Variants in UGP2 observed in about 807,000 individuals in gnomAD.
The protein encoded by UGP2 is UDP-glucose pyrophosphorylase 2, also known as UTP--glucose-1-phosphate uridylyltransferase.
In UGP2, 40 loss-of-function variants were observed where a neutral mutation model predicts 49.0. The observed-to-expected ratio is 0.82, with a 90% CI of 0.63 to 1.06. UGP2 has a LOEUF of 1.06. Ranked by LOEUF, UGP2 falls within the 50% of genes least tolerant of loss-of-function variation. The pLI is 0.00. For missense variants in UGP2, 460 were observed against 603.5 expected, an observed-to-expected ratio of 0.76 and a Z score of 2.49; for synonymous variants, 225 against 213.0, an observed-to-expected ratio of 1.06 and a Z score of -0.49.
chr2:63,854,268 A>C (rs2104269401), intron 1 of UGP2, among the ~76,000 whole-genome samples: 1 of 152,342 alleles, frequency 6.6e-6, no homozygotes, highest in South Asian at 2.1e-4. Flanking sequence ...TAAGGTAATG[A>C]AATGTTTGAC....
intron 3 of UGP2, among the ~76,000 whole-genome samples, chr2:63,876,035 C>G (rs1243068598): frequency 1.3e-5 from 2 of 151,996 alleles, no homozygotes; most frequent in Middle Eastern, 3.2e-3. Context: ...CCTGGGGGAG[C>G]TAAGTAGGGA....
chr2:63,849,344 C>CT (rs1483597556), intron 1 of UGP2, among the ~76,000 whole-genome samples: 1 of 152,194 alleles, frequency 6.6e-6, no homozygotes, highest in Non-Finnish European at 1.5e-5. Context: ...ATTTGCTGCT[C>CT]TGGCAGAAGC....
rs149158709 is a variant in UGP2 at position 63,891,210 on chromosome 2, C to T, written c.1510C>T (p.Arg504Cys). 44 of 1,613,076 alleles carry T rather than the reference C, an allele frequency of 2.7e-5. No homozygotes were observed. Among genetic ancestry groups the T allele is most frequent in the Admixed American group, 3.3e-5 (2 of 59,902 alleles). ...LENKIVSGNL[R>C]ILDH is the part of the protein sequence containing the mutation. ...GAACAAGATTGTGTCTGGAAACCTT[C>T]GCATCTTGGACCACTGAAATGAAAA... Residue 504 changes from arginine to cysteine, a missense_variant, in exon 10 of 10, where the codon CGC becomes TGC. Physicochemically the swap from Arg to Cys is radical, Grantham distance 180. Transcript: ENST00000337130.
chr2:63,887,423 G>A lies in UGP2; in HGVS notation c.1093G>A (p.Val365Ile). 6.2e-7 allele frequency: 1 copy of A among 1,613,998 alleles called. No individual in the cohort carries two copies. The highest frequency in any genetic ancestry group is 1.1e-5 in the South Asian group (1 of 91,080). ...ACAGACTTTGGATGGAGGCCTGAAT[G>A]TCATTCAATTAGAAACTGCAGTAGG... ...NAKTLDGGLN[V>I]IQLETAVGAA... is the part of the protein sequence containing the mutation. The change falls in exon 8 of 10, where the codon GTC becomes ATC. Residue 365 changes from valine (V) to isoleucine (I), a missense_variant. Coordinates refer to ENST00000337130, the MANE Select transcript of UGP2 (RefSeq NM_006759.4).
intron 3 of UGP2, among the ~76,000 whole-genome samples, chr2:63,860,580 T>C (rs1161694289): frequency 6.6e-6 from 1 of 152,102 alleles, no homozygotes; most frequent in African/African-American, 2.4e-5. Context: ...ATGATCACTT[T>C]TAATTTTTAT....
intron 1 of UGP2, among the ~76,000 whole-genome samples, chr2:63,852,262 T>G (rs1219844802): frequency 1.3e-5 from 2 of 152,224 alleles, no homozygotes; most frequent in Non-Finnish European, 1.5e-5. Flanking sequence ...AAAGCCATAC[T>G]GGCAATGTTT....
intron 5 of UGP2, among the ~76,000 whole-genome samples, 186 bp from the exon 6 acceptor site, chr2:63,885,403 A>C (rs1221751308): frequency 6.6e-6 from 1 of 152,170 alleles, no homozygotes; most frequent in Non-Finnish European, 1.5e-5. Flanking sequence ...CACCATCTGG[A>C]AAACAGATTT....
intron 2 of UGP2, among the ~76,000 whole-genome samples, chr2:63,857,257 C>T (rs1452823676): frequency 3.3e-5 from 5 of 150,732 alleles, no homozygotes; most frequent in African/African-American, 1.2e-4. Flanking sequence ...GCCGAGATTG[C>T]GCCACTACAC....
At chr2:63,870,845 CTG>C (rs764422163) in intron 3 of UGP2, among the ~76,000 whole-genome samples, 2 of 152,112 alleles carry the variant, frequency 1.3e-5, no homozygotes, top group Non-Finnish European at 1.5e-5. Flanking sequence ...AGTTTGGAGA[CTG>C]TAAGAATTGC....
Position 63,887,554 on chromosome 2 carries a change from C to G in UGP2, c.1224C>G (p.Leu408=), listed in dbSNP as rs1671773312. ...TSDLLLVMSN[L]YSLNAGSLTM... ...ATCTCTTGCTGGTGATGTCAAACCT[C>G]TATAGTCTTAATGCAGGATCTCTGA... is the stretch of plus-strand genomic sequence containing the variant. Residue 408 remains leucine, a synonymous_variant, in exon 8 of 10, where the codon CTC becomes CTG. Transcript: ENST00000337130. 6.2e-7 allele frequency: 1 copy of G among 1,614,124 alleles called. No homozygotes were observed. Among genetic ancestry groups the G allele is most frequent in the Non-Finnish European group, 8.5e-7 (1 of 1,180,018 alleles).
At chr2:63,843,378 T>G (rs969792160) in intron 1 of UGP2, among the ~76,000 whole-genome samples, 12 of 152,192 alleles carry the variant, frequency 7.9e-5, no homozygotes, top group African/African-American at 2.9e-4. Context: ...TCTGATTGAG[T>G]AAATGTCTTA....
chr2:63,885,934 G>A (rs377389784), intron 6 of UGP2, 48 bp downstream of exon 6: 16 of 1,493,426 alleles, frequency 1.1e-5, no homozygotes, highest in East Asian at 2.4e-5. Flanking sequence ...TTCACATTTC[G>A]TAAGTTATGA....
At chr2:63,859,172 T>G (rs1320296611) in intron 3 of UGP2, 1 of 151,958 alleles carries the variant, frequency 6.6e-6, no homozygotes, top group Non-Finnish European at 1.5e-5. Flanking sequence ...TTTGTATTTT[T>G]TTTGTAGAGA....
At chr2:63,849,299 C>T (rs574802017) in intron 1 of UGP2, among the ~76,000 whole-genome samples, 1 of 152,274 alleles carries the variant, frequency 6.6e-6, no homozygotes, top group South Asian at 2.1e-4. Context: ...TCCTTGGCCA[C>T]AATGAAAATG....
intron 1 of UGP2, among the ~76,000 whole-genome samples, chr2:63,845,399 A>G (rs1353962367): frequency 6.6e-6 from 1 of 152,218 alleles, no homozygotes; most frequent in African/African-American, 2.4e-5. Context: ...CCTTTCAGAT[A>G]GCATTGCCAC....
chr2:63,867,400 A>C (rs1452375953), intron 3 of UGP2, among the ~76,000 whole-genome samples: 1 of 152,220 alleles, frequency 6.6e-6, no homozygotes. Flanking sequence ...AAAAAGTAGA[A>C]ATAATAAAAG....
At chr2:63,866,807 C>A (rs1434573451) in intron 3 of UGP2, among the ~76,000 whole-genome samples, 1 of 152,144 alleles carries the variant, frequency 6.6e-6, no homozygotes, top group Non-Finnish European at 1.5e-5. Context: ...CTGGAAAACA[C>A]AGGATGGACG....
At chr2:63,871,807 G>A (rs189480698) in intron 3 of UGP2, among the ~76,000 whole-genome samples, 59 of 152,306 alleles carry the variant, frequency 3.9e-4, no homozygotes, top group African/African-American at 6.7e-4. Context: ...ATCCTGAGGC[G>A]TCTCAGGCAG....
Position 63,890,622 on chromosome 2 carries a change from C to T in UGP2, c.1419+437C>T, listed in dbSNP as rs186508222. On this transcript the variant is annotated intron_variant, in intron 9 of 9. Coordinates refer to ENST00000337130, the MANE Select transcript of UGP2 (RefSeq NM_006759.4). ...ATCTCCTAACTAGATTTCATATACT[C>T]CTCCCATTAAAGCTACTTACTTAAA... Among the ~76,000 whole-genome samples the T allele has an allele frequency of 7.2e-5, 11 of 152,224 alleles. No homozygotes were observed. The East Asian group carries it at 1.9e-3, about 27-fold the overall frequency.
Sources: allele counts gnomAD v4.1 joint callset (sites outside exome capture counted in the v4.1 genomes callset), GRCh38; gene constraint gnomAD v4.1.1; transcripts MANE v1.5; gene names NCBI Gene and HGNC (gene_info 2026-07-23, HGNC 2026-07-21).